BRINP1: variants seen among roughly 807,000 people sequenced by gnomAD.
BRINP1 encodes BMP/retinoic acid-inducible neural-specific protein 1.
BRINP1 carries 17 observed loss-of-function variants against 72.9 expected under a neutral mutation model. The observed-to-expected ratio is 0.23, with a 90% CI of 0.16 to 0.35. The LOEUF (loss-of-function observed/expected upper bound fraction) is 0.35. Among genes scored for constraint, BRINP1 ranks in the 10% least tolerant of loss-of-function variants. The pLI, the probability that BRINP1 is intolerant of heterozygous loss-of-function variation, is 1.00. For synonymous variants in BRINP1, 418 were observed against 378.5 expected (o/e 1.10, Z -1.21); for missense variants, 850 against 1,001.6 (o/e 0.85, Z 2.04).
chr9:119,167,687 A>G lies in BRINP1; in HGVS notation c.1683T>C (p.Phe561=). 1 of 1,614,112 alleles carries G rather than the reference A, an allele frequency of 6.2e-7. No individual in the cohort carries two copies. Among genetic ancestry groups the G allele is most frequent in the Non-Finnish European group, 8.5e-7 (1 of 1,180,010 alleles). ...MRNSSLDPMF[F]VYVNPFSGSH... ...TCCCGCTAAAGGGGTTGACATAGAC[A>G]AAGAACATGGGGTCCAGGCTGCTGT... Residue 561 remains phenylalanine (F), a synonymous_variant, in exon 8 of 8, where the codon TTT becomes TTC. Coordinates refer to ENST00000265922, the MANE Select transcript of BRINP1 (RefSeq NM_014618.3). This position sits in a 1 kb window ranked among gnomAD's most constrained non-coding sequence, Gnocchi z 4.3.
chr9:119,290,063 T>C (rs1830806688), intron 2 of BRINP1, among the ~76,000 whole-genome samples: 1 of 152,172 alleles, frequency 6.6e-6, no homozygotes. Context: ...CTTTCCATGG[T>C]AAGTAATGAT....
intron 7 of BRINP1, among the ~76,000 whole-genome samples, chr9:119,169,272 GC>G (rs1829368036): frequency 1.3e-5 from 2 of 152,222 alleles, no homozygotes; most frequent in Non-Finnish European, 2.9e-5. Flanking sequence ...TTGGGTGCAC[GC>G]ACCGTGCGCG....
At chr9:119,186,616 C>G (rs1829623473) in intron 7 of BRINP1, among the ~76,000 whole-genome samples, 1 of 152,032 alleles carries the variant, frequency 6.6e-6, no homozygotes, top group Non-Finnish European at 1.5e-5. Flanking sequence ...GTCCACACAG[C>G]ACCTGACCCC....
rs147117825 is a variant in BRINP1, at chr9:119,320,098, G to A, written c.-50-6693C>T. Among the ~76,000 whole-genome samples the A allele has an allele frequency of 2.0e-3, 305 of 152,306 alleles. 1 individual carries two copies. Among genetic ancestry groups the A allele is most frequent in the African/African-American group, 7.0e-3 (290 of 41,578 alleles). ...AGAAGGGTTTCAAATAGCATGTACA[G>A]TTTTATTGAGCACAGATGGGGAAAA... is the stretch of plus-strand genomic sequence containing the variant. On this transcript the variant is annotated intron_variant, in intron 1 of 7. Transcript: ENST00000265922.
At chr9:119,174,360 G>C (rs1418920113) in intron 7 of BRINP1, among the ~76,000 whole-genome samples, 1 of 150,288 alleles carries the variant, frequency 6.7e-6, no homozygotes, top group East Asian at 1.9e-4. Context: ...AAAAACACAT[G>C]AAAAAATGCT....
At chr9:119,193,348 T>G (rs1401567683) in intron 7 of BRINP1, among the ~76,000 whole-genome samples, 2 of 152,084 alleles carry the variant, frequency 1.3e-5, no homozygotes, top group African/African-American at 4.8e-5. Context: ...TGATTTCACT[T>G]AAATGCAGAA....
rs58972395 is a variant in BRINP1 at position 119,255,954 on chromosome 9, C to CA, written c.219-6805dup. ...CGGGCAACGGAGCAAGACTCCAGCT[C>CA]AAAAAAAAAAAAAAAAAAAAAAAAA... On this transcript the variant is annotated intron_variant, in intron 2 of 7. Transcript: ENST00000265922. Among the ~76,000 whole-genome samples, 527 of 53,500 alleles carry CA rather than the reference C, an allele frequency of 9.9e-3. 96 individuals carry two copies. The highest frequency in any genetic ancestry group is 0.022 in the Middle Eastern group (1 of 46). 35.1% of individuals were successfully genotyped at this position (53,500 alleles called of 152,430 possible). A position where few individuals can be genotyped will look rare whatever the true frequency, so the allele number is the denominator to read the frequency against.
chr9:119,340,942 A>G (rs1831399514), intron 1 of BRINP1, among the ~76,000 whole-genome samples: 1 of 152,144 alleles, frequency 6.6e-6, no homozygotes, highest in Admixed American at 6.5e-5. Context: ...GAAGAGGGAG[A>G]CATGACCCTG....
chr9:119,214,669 A>G (rs1344109131), intron 5 of BRINP1, among the ~76,000 whole-genome samples: 1 of 152,138 alleles, frequency 6.6e-6, no homozygotes, highest in African/African-American at 2.4e-5. Context: ...GCACATCATC[A>G]TAACATGGCT....
intron 1 of BRINP1, among the ~76,000 whole-genome samples, chr9:119,335,084 A>G (rs1831334614): frequency 6.6e-6 from 1 of 152,194 alleles, no homozygotes; most frequent in African/African-American, 2.4e-5. Context: ...TGAGACGGAC[A>G]CAAACAGCCA....
chr9:119,358,298 A>G (rs1831591046), intron 1 of BRINP1, among the ~76,000 whole-genome samples: 1 of 152,076 alleles, frequency 6.6e-6, no homozygotes, highest in Non-Finnish European at 1.5e-5. Context: ...ACATTAGAAA[A>G]CCAAATCAAA....
At chr9:119,214,257 T>C in intron 5 of BRINP1, 102 bp from the exon 6 acceptor site, 4 of 837,890 alleles carry the variant, frequency 4.8e-6, no homozygotes, top group Non-Finnish European at 5.8e-6. Context: ...CTGCTACATT[T>C]CTCCCTGTGT....
intron 5 of BRINP1, among the ~76,000 whole-genome samples, chr9:119,220,006 G>A (rs768090134): frequency 1.4e-4 from 21 of 152,066 alleles, no homozygotes; most frequent in Admixed American, 9.8e-4. Flanking sequence ...ACTAAGGTTC[G>A]TCTTCTTTTG....
At chr9:119,201,597 C>T (rs544448351) in intron 7 of BRINP1, among the ~76,000 whole-genome samples, 1 of 152,188 alleles carries the variant, frequency 6.6e-6, no homozygotes, top group Non-Finnish European at 1.5e-5. Context: ...GATTTCTGTA[C>T]CCAGTGCTCT....
chr9:119,326,592 G>C (rs1162089076), intron 1 of BRINP1, among the ~76,000 whole-genome samples: 3 of 152,094 alleles, frequency 2.0e-5, no homozygotes, highest in Non-Finnish European at 4.4e-5. Context: ...TAAATTCAGG[G>C]AGACTGCCTT....
chr9:119,235,844 C>T (rs892094857), intron 5 of BRINP1, among the ~76,000 whole-genome samples: 2 of 152,284 alleles, frequency 1.3e-5, no homozygotes, highest in Middle Eastern at 3.4e-3. Flanking sequence ...GCCTCAATCA[C>T]CCAACCTAAC....
chr9:119,185,055 T>C lies in BRINP1; in HGVS notation c.1146-16831A>G, dbSNP rs139582736. On this transcript the variant is annotated intron_variant, in intron 7 of 7. Coordinates refer to ENST00000265922, the MANE Select transcript of BRINP1 (RefSeq NM_014618.3). ...TGGAAGTCAGATGATGAATGGAGTT[T>C]TAGCTCAGGTCCATCTCACAGTGGG... 2.0e-5 allele frequency among the ~76,000 whole-genome samples: 3 copies of C among 152,210 alleles called. No individual in the cohort carries two copies. In the East Asian group the frequency reaches 5.8e-4, roughly 29 times the overall value.
At chr9:119,327,284 T>C (rs1353681681) in intron 1 of BRINP1, among the ~76,000 whole-genome samples, 6 of 152,212 alleles carry the variant, frequency 3.9e-5, no homozygotes, top group Non-Finnish European at 5.9e-5. Context: ...TAGCTATTTT[T>C]CCTGATGCTC....
intron 2 of BRINP1, among the ~76,000 whole-genome samples, chr9:119,297,310 G>A (rs1223041230): frequency 6.6e-6 from 1 of 152,234 alleles, no homozygotes; most frequent in African/African-American, 2.4e-5. Flanking sequence ...GTTGAGGACA[G>A]AGGAGGACAC....
Sources: gnomAD v4.1 joint callset for allele counts (sites outside exome capture counted in the v4.1 genomes callset) on GRCh38, gnomAD v4.1.1 for gene constraint, Gnocchi (gnomAD v3.1) non-coding constraint, MANE v1.5 for transcripts, NCBI Gene and HGNC (gene_info 2026-07-23, HGNC 2026-07-21) for gene names.